GPC5: variants seen among roughly 807,000 people sequenced by gnomAD.
The protein encoded by GPC5 is glypican-5.
In GPC5, 47 loss-of-function variants were observed where a neutral mutation model predicts 53.9. The ratio of observed to expected loss-of-function variants is 0.87; its 90% confidence interval spans 0.69 to 1.11. The LOEUF (loss-of-function observed/expected upper bound fraction) is 1.11. Among genes scored for constraint, GPC5 ranks in the 50% most tolerant of loss-of-function variants. The pLI, the probability that GPC5 is intolerant of heterozygous loss-of-function variation, is 0.00. For synonymous variants in GPC5, 286 were observed against 263.3 expected, an observed-to-expected ratio of 1.09 and a Z score of -0.84; for missense variants, 748 against 713.1, an observed-to-expected ratio of 1.05 and a Z score of -0.56.
chr13:92,630,802 A>T (rs2139131430), intron 7 of GPC5, among the ~76,000 whole-genome samples: 1 of 152,276 alleles, frequency 6.6e-6, no homozygotes, highest in Admixed American at 6.5e-5. Context: ...ACTGTTGTTA[A>T]TGCAGTATTA....
intron 6 of GPC5, among the ~76,000 whole-genome samples, chr13:91,980,623 T>A (rs2138715582): frequency 6.6e-6 from 1 of 152,362 alleles, no homozygotes; most frequent in South Asian, 2.1e-4. Context: ...AGCTCTTTAC[T>A]TTTTAAGAAT....
intron 6 of GPC5, among the ~76,000 whole-genome samples, chr13:92,060,181 A>G (rs1825386508): frequency 6.6e-6 from 1 of 151,938 alleles, no homozygotes; most frequent in Non-Finnish European, 1.5e-5. Flanking sequence ...AAAGTCCTAT[A>G]CAAAGAAGCT....
intron 7 of GPC5, among the ~76,000 whole-genome samples, chr13:92,488,042 T>C (rs1220550172): frequency 1.3e-5 from 2 of 152,072 alleles, no homozygotes; most frequent in African/African-American, 2.4e-5. Context: ...TAATATTTGC[T>C]CTTTTCTTCA....
intron 2 of GPC5, among the ~76,000 whole-genome samples, chr13:91,538,832 C>T (rs530869827): frequency 3.1e-5 from 4 of 128,830 alleles, no homozygotes; most frequent in South Asian, 2.2e-4. Context: ...TCCACCCCGC[C>T]CCCCCCTCAG....
At chr13:92,039,855 A>G (rs181062389) in intron 6 of GPC5, among the ~76,000 whole-genome samples, 1 of 152,164 alleles carries the variant, frequency 6.6e-6, no homozygotes, top group Admixed American at 6.5e-5. Flanking sequence ...GTTTTACCTT[A>G]ATTACCTCTT....
chr13:91,641,999 T>C (rs2034442087), intron 2 of GPC5, among the ~76,000 whole-genome samples: 1 of 152,208 alleles, frequency 6.6e-6, no homozygotes. Flanking sequence ...GAATTACATG[T>C]TTATGGCTTG....
chr13:92,100,476 A>G (rs2138910966), intron 6 of GPC5, among the ~76,000 whole-genome samples: 1 of 152,330 alleles, frequency 6.6e-6, no homozygotes, highest in East Asian at 1.9e-4. Context: ...GGTACTTCAC[A>G]GGGATACCTA....
chr13:91,875,479 T>C (rs1378312158), intron 5 of GPC5, among the ~76,000 whole-genome samples: 4 of 152,188 alleles, frequency 2.6e-5, no homozygotes, highest in Admixed American at 2.0e-4. Flanking sequence ...GATTTATAAT[T>C]TCAAAGAGAG....
rs1047777716 is a variant in GPC5 at position 91,771,648 on chromosome 13, G to A, written c.1280+15228G>A. Among the ~76,000 whole-genome samples, 9 of 152,152 alleles carry A rather than the reference G, an allele frequency of 5.9e-5. No homozygotes were observed. The East Asian group carries it at 1.7e-3, about 29-fold the overall frequency. On this transcript the variant is annotated intron_variant, in intron 5 of 7. Coordinates refer to ENST00000377067, the MANE Select transcript of GPC5 (RefSeq NM_004466.6). Reference sequence around the variant, plus strand: ...ACAGAAGAAGAGGGTTAAAGGACATGTGTAGGAGGAAAAGTTGATTGATTA... The same window carrying A: ...ACAGAAGAAGAGGGTTAAAGGACATATGTAGGAGGAAAAGTTGATTGATTA...
chr13:91,634,416 G>A (rs1408089905), intron 2 of GPC5, among the ~76,000 whole-genome samples: 2 of 152,048 alleles, frequency 1.3e-5, no homozygotes, highest in East Asian at 1.9e-4. Flanking sequence ...TCACACAGTC[G>A]ATTTGTGAAA....
chr13:92,310,904 TCTAA>T (rs1290124194), intron 7 of GPC5, among the ~76,000 whole-genome samples: 2 of 152,172 alleles, frequency 1.3e-5, no homozygotes, highest in African/African-American at 4.8e-5. Context: ...GAAAGAGACA[TCTAA>T]CTGAGTAAAT....
At chr13:92,258,938 C>G (rs1362240232) in intron 7 of GPC5, among the ~76,000 whole-genome samples, 2 of 151,972 alleles carry the variant, frequency 1.3e-5, no homozygotes, top group African/African-American at 4.8e-5. Flanking sequence ...TCTGGGAGAC[C>G]CTTGTCTCTA....
chr13:91,848,212 A>C (rs2038874157), intron 5 of GPC5, among the ~76,000 whole-genome samples: 1 of 152,230 alleles, frequency 6.6e-6, no homozygotes, highest in African/African-American at 2.4e-5. Context: ...CACCTTGAAA[A>C]CATAACTTGC....
chr13:92,454,867 TA>T (rs904296669), intron 7 of GPC5, among the ~76,000 whole-genome samples: 6 of 152,232 alleles, frequency 3.9e-5, no homozygotes, highest in South Asian at 2.1e-4. Context: ...CCATTCTGCT[TA>T]AAAAAATGCA....
intron 2 of GPC5, among the ~76,000 whole-genome samples, chr13:91,597,555 G>C (rs1338909508): frequency 2.0e-5 from 3 of 152,076 alleles, no homozygotes; most frequent in Non-Finnish European, 4.4e-5. Flanking sequence ...AGATTTTACT[G>C]CCTGCGCCAA....
At chr13:91,602,176 G>A (rs2033202272) in intron 2 of GPC5, among the ~76,000 whole-genome samples, 1 of 152,228 alleles carries the variant, frequency 6.6e-6, no homozygotes, top group Admixed American at 6.5e-5. Flanking sequence ...TGTGTGTCCA[G>A]CACCGTTCCG....
At chr13:91,738,274 A>T (rs992394401) in intron 4 of GPC5, among the ~76,000 whole-genome samples, 7 of 151,458 alleles carry the variant, frequency 4.6e-5, no homozygotes, top group African/African-American at 1.7e-4. Flanking sequence ...CAAAATAACC[A>T]GTTCAAAGTA....
intron 2 of GPC5, among the ~76,000 whole-genome samples, chr13:91,479,152 G>T (rs1416079982): frequency 6.6e-6 from 1 of 151,638 alleles, no homozygotes; most frequent in African/African-American, 2.4e-5. Flanking sequence ...AGCTCAGGCA[G>T]TCTGCCTGGC....
At position 91,430,936 on chromosome 13, in the gene GPC5, G is replaced by A. The variant is rs369589091; in HGVS notation, c.164-17825G>A. Among the ~76,000 whole-genome samples, 73 of 152,238 alleles carry A rather than the reference G, an allele frequency of 4.8e-4. No individual in the cohort carries two copies. In the East Asian group the frequency reaches 7.7e-3, roughly 16 times the overall value. On this transcript the variant is annotated intron_variant, in intron 1 of 7. Transcript: ENST00000377067. ...GTTACATAGGCTGGAGTGCAGGGGCGTGATCACAGCTTACTGCAGCCTTGA... is the reference window on the plus strand; with the variant it reads ...GTTACATAGGCTGGAGTGCAGGGGCATGATCACAGCTTACTGCAGCCTTGA...
Sources: gnomAD v4.1 joint callset for allele counts (sites outside exome capture counted in the v4.1 genomes callset) on GRCh38, gnomAD v4.1.1 for gene constraint, MANE v1.5 for transcripts, NCBI Gene and HGNC (gene_info 2026-07-23, HGNC 2026-07-21) for gene names.